SH3RF3: variants seen among roughly 807,000 people sequenced by gnomAD.
SH3RF3 encodes the protein E3 ubiquitin-protein ligase SH3RF3.
SH3RF3 carries 29 observed loss-of-function variants against 66.3 expected under a neutral mutation model. The ratio of observed to expected loss-of-function variants is 0.44; its 90% confidence interval spans 0.33 to 0.60. The LOEUF is 0.60. Ranked by LOEUF, SH3RF3 falls within the 20% of genes least tolerant of loss-of-function variation. The pLI, the probability that SH3RF3 is intolerant of heterozygous loss-of-function variation, is 0.04. For synonymous variants in SH3RF3, 583 were observed against 532.0 expected (o/e 1.10, Z -1.32); for missense variants, 1,194 against 1,190.9 (o/e 1.00, Z -0.04).
chr2:109,343,272 G>A (rs1314815345), intron 1 of SH3RF3, among the ~76,000 whole-genome samples: 3 of 152,200 alleles, frequency 2.0e-5, no homozygotes, highest in South Asian at 4.1e-4. Context: ...TGGAGGTGCC[G>A]GGTGTCACCC....
chr2:109,475,097 C>T (rs1487804366), intron 8 of SH3RF3, among the ~76,000 whole-genome samples: 2 of 152,168 alleles, frequency 1.3e-5, no homozygotes, highest in Admixed American at 6.5e-5. Context: ...CCTGCCTCAG[C>T]CTCTTGAGTG....
intron 1 of SH3RF3, among the ~76,000 whole-genome samples, chr2:109,271,622 C>T (rs1392563320): frequency 6.6e-6 from 1 of 152,222 alleles, no homozygotes; most frequent in Non-Finnish European, 1.5e-5. Context: ...TGGGGTGAGG[C>T]CCCGTGTGGT....
At chr2:109,358,129 C>T (rs6744875) in intron 2 of SH3RF3, among the ~76,000 whole-genome samples, 19,794 of 152,218 alleles carry the variant, frequency 0.13, 1,436 homozygotes, top group Middle Eastern at 0.24. Context: ...GAACGTCATA[C>T]GGTTGAAATC....
At chr2:109,150,062 G>C (rs146982498) in intron 1 of SH3RF3, among the ~76,000 whole-genome samples, 2 of 152,178 alleles carry the variant, frequency 1.3e-5, no homozygotes, top group Non-Finnish European at 2.9e-5. Context: ...CAGATTCAAC[G>C]GTCCCCAGGT....
chr2:109,287,762 C>T (rs1225527305), intron 1 of SH3RF3, among the ~76,000 whole-genome samples: 1 of 152,182 alleles, frequency 6.6e-6, no homozygotes, highest in Non-Finnish European at 1.5e-5. Flanking sequence ...AGCTTTTTGG[C>T]CCTTCCCTTT....
chr2:109,247,526 C>A (rs759504240), intron 1 of SH3RF3, among the ~76,000 whole-genome samples: 1 of 152,196 alleles, frequency 6.6e-6, no homozygotes, highest in East Asian at 1.9e-4. Flanking sequence ...TGGGTGGTCA[C>A]GTGTCAGTCC....
chr2:109,337,078 T>G (rs1484162008), intron 1 of SH3RF3, among the ~76,000 whole-genome samples: 1 of 152,268 alleles, frequency 6.6e-6, no homozygotes, highest in Non-Finnish European at 1.5e-5. Context: ...GTATTTAGTA[T>G]CCTAAATGTA....
chr2:109,412,266 C>T (rs896226880), intron 4 of SH3RF3, among the ~76,000 whole-genome samples: 7 of 152,340 alleles, frequency 4.6e-5, no homozygotes, highest in Non-Finnish European at 8.8e-5. Flanking sequence ...AAACACATTG[C>T]CCCCCTTTCA....
intron 1 of SH3RF3, among the ~76,000 whole-genome samples, chr2:109,267,153 T>G (rs1253787145): frequency 6.6e-6 from 1 of 151,804 alleles, no homozygotes; most frequent in African/African-American, 2.4e-5. Context: ...AGGATGGGAG[T>G]TGCTTCCGAT....
At position 109,286,445 on chromosome 2, in the gene SH3RF3, A is replaced by C. The variant is rs116509558; in HGVS notation, c.574-61229A>C. The stretch of plus-strand genomic sequence containing the variant: ...GGCATGGGGCTCAGGTCCTGTGGTC[A>C]CTCAGCACATGCTCTCTCAGCTGCA... On this transcript the variant is annotated intron_variant, in intron 1 of 9. Transcript: ENST00000309415. Among the ~76,000 whole-genome samples the C allele has an allele frequency of 7.1e-3, 1,076 of 152,288 alleles. 16 individuals carry two copies. The highest frequency in any genetic ancestry group is 0.025 in the African/African-American group (1,026 of 41,560).
intron 4 of SH3RF3, among the ~76,000 whole-genome samples, chr2:109,399,514 G>T (rs1026721115): frequency 1.3e-5 from 2 of 151,754 alleles, no homozygotes; most frequent in Admixed American, 1.3e-4. Flanking sequence ...AGTGGCTCAT[G>T]CCTGTAATCC....
In SH3RF3 at chr2:109,130,425, T is replaced by C. The variant is rs182293090; in HGVS notation, c.573+312T>C. Among the ~76,000 whole-genome samples, 281 of 152,308 alleles carry C rather than the reference T, an allele frequency of 1.8e-3. 5 individuals carry two copies. The highest frequency in any genetic ancestry group is 6.3e-3 in the African/African-American group (260 of 41,578). On this transcript the variant is annotated intron_variant, in intron 1 of 9. Coordinates refer to ENST00000309415, the MANE Select transcript of SH3RF3 (RefSeq NM_001099289.3). The stretch of plus-strand genomic sequence containing the variant: ...ACTTAGCATCGCCCTTGCGTCTCCC[T>C]AGAAACGGGGACCTTCTTCCTCTGG...
At chr2:109,182,988 C>G (rs1489143632) in intron 1 of SH3RF3, among the ~76,000 whole-genome samples, 1 of 152,182 alleles carries the variant, frequency 6.6e-6, no homozygotes, top group Admixed American at 6.5e-5. Context: ...GGTCTCCTAA[C>G]AGGTTTCAGA....
chr2:109,428,787 C>T (rs1005160987), intron 5 of SH3RF3, among the ~76,000 whole-genome samples: 5 of 152,066 alleles, frequency 3.3e-5, no homozygotes, highest in Admixed American at 6.5e-5. Flanking sequence ...ATGGAGATGC[C>T]CTGAGCACTC....
intron 1 of SH3RF3, among the ~76,000 whole-genome samples, chr2:109,170,306 T>TCTCTTCTCTC (rs1558938332): frequency 8.2e-6 from 1 of 122,246 alleles, no homozygotes; most frequent in Admixed American, 8.6e-5. Flanking sequence ...TCTCTTCTCT[T>TCTCTTCTCTC]CTCTTCTCTC....
intron 2 of SH3RF3, among the ~76,000 whole-genome samples, chr2:109,352,816 C>CTTAG (rs1292961604): frequency 2.0e-5 from 3 of 152,224 alleles, no homozygotes; most frequent in Admixed American, 2.0e-4. Context: ...AGAGCACCCT[C>CTTAG]TTAGCCACTA....
intron 4 of SH3RF3, among the ~76,000 whole-genome samples, chr2:109,405,446 G>A (rs1676428396): frequency 6.6e-6 from 1 of 152,136 alleles, no homozygotes; most frequent in Non-Finnish European, 1.5e-5. Flanking sequence ...TGCCTCTCCA[G>A]CTCCCGGCAG....
At chr2:109,180,828 C>T (rs1678056698) in intron 1 of SH3RF3, among the ~76,000 whole-genome samples, 1 of 152,146 alleles carries the variant, frequency 6.6e-6, no homozygotes, top group Admixed American at 6.5e-5. Flanking sequence ...GACTAATATA[C>T]TCAGTCAGCT....
chr2:109,203,532 G>A (rs1268022942), intron 1 of SH3RF3, among the ~76,000 whole-genome samples: 4 of 152,196 alleles, frequency 2.6e-5, no homozygotes, highest in African/African-American at 9.7e-5. Flanking sequence ...TCTGATCCCA[G>A]GGCATGCATT....
Sources: gnomAD v4.1 joint callset for allele counts (sites outside exome capture counted in the v4.1 genomes callset) on GRCh38, gnomAD v4.1.1 for gene constraint, MANE v1.5 for transcripts, NCBI Gene and HGNC (gene_info 2026-07-23, HGNC 2026-07-21) for gene names.